Variants in ENOX2 observed in about 807,000 individuals in gnomAD.
ENOX2 encodes APK1 antigen.
In ENOX2, 36 loss-of-function variants were observed where a neutral mutation model predicts 45.0. That is an observed-to-expected ratio of 0.80 (90% CI 0.61 to 1.06). ENOX2 has a LOEUF of 1.06. Ranked by LOEUF, ENOX2 falls within the 50% of genes least tolerant of loss-of-function variation. ENOX2 has a pLI of 0.00. For missense variants in ENOX2, 423 were observed against 462.5 expected, an observed-to-expected ratio of 0.91 and a Z score of 0.78; for synonymous variants, 174 against 152.3, an observed-to-expected ratio of 1.14 and a Z score of -1.05.
chrX:130,898,110 C>T, intron 2 of ENOX2, among the ~76,000 whole-genome samples: 1 of 110,563 alleles, frequency 9.0e-6, no homozygotes, highest in East Asian at 2.8e-4. Flanking sequence ...TGGGTTGAAG[C>T]AATTCTCCTG....
intron 2 of ENOX2, among the ~76,000 whole-genome samples, chrX:130,843,791 TA>T (rs1174645900): frequency 8.9e-6 from 1 of 112,099 alleles, no homozygotes; most frequent in African/African-American, 3.2e-5. Flanking sequence ...AAAAGAGAGT[TA>T]GGGGGTACCT....
At chrX:130,861,960 G>GTAAAGTGGTTTATACCAA (rs2078416378) in intron 2 of ENOX2, among the ~76,000 whole-genome samples, 1 of 111,303 alleles carries the variant, frequency 9.0e-6, no homozygotes, top group Non-Finnish European at 1.9e-5. Flanking sequence ...TCATATACCA[G>GTAAAGTGGTTTATACCAA]TAAAGTGGTT....
intron 3 of ENOX2, among the ~76,000 whole-genome samples, chrX:130,711,045 G>A (rs1327592859): frequency 9.0e-6 from 1 of 111,726 alleles, no homozygotes; most frequent in Non-Finnish European, 1.9e-5. Flanking sequence ...GTAGGCATTC[G>A]AGAAGTATTT....
chrX:130,705,105 C>G (rs773755562), intron 3 of ENOX2, among the ~76,000 whole-genome samples: 1 of 112,133 alleles, frequency 8.9e-6, no homozygotes, highest in Non-Finnish European at 1.9e-5. Flanking sequence ...TGAAAGATAC[C>G]TTTAGAGATT....
chrX:130,778,881 G>C (rs1569500800), intron 3 of ENOX2, among the ~76,000 whole-genome samples: 1 of 112,345 alleles, frequency 8.9e-6, no homozygotes, highest in Non-Finnish European at 1.9e-5. Flanking sequence ...GCTCACTTTG[G>C]TATTGTAATT....
Position 130,679,731 on chromosome X carries a change from T to A in ENOX2, c.271A>T (p.Thr91Ser). 1 of 1,209,214 alleles carries A rather than the reference T, an allele frequency of 8.3e-7. No homozygotes were observed. Among genetic ancestry groups the A allele is most frequent in the East Asian group, 3.0e-5 (1 of 33,849 alleles). The part of the protein sequence containing the change: ...PPNPNLPPPA[T>S]RERPPGCKTV... ...TTGCATCCTGGTGGTCTTTCTCGGG[T>A]TGCAGGAGGTGGGAGATCTAAGTTG... Residue 91 changes from threonine (T) to serine (S), a missense_variant, in exon 6 of 15, where the codon ACC becomes TCC. This residue lies in a region of ENOX2 where 261 missense variants were observed against 306.8 expected (regional missense o/e 0.85). Transcript: ENST00000394363.
intron 3 of ENOX2, among the ~76,000 whole-genome samples, chrX:130,730,436 T>C (rs1036705747): frequency 8.9e-6 from 1 of 112,456 alleles, no homozygotes; most frequent in Non-Finnish European, 1.9e-5. Flanking sequence ...ATTAGAGCAC[T>C]AGTTTTTACC....
At chrX:130,683,982 A>G (rs2037381455) in intron 5 of ENOX2, among the ~76,000 whole-genome samples, 1 of 111,732 alleles carries the variant, frequency 8.9e-6, no homozygotes, top group African/African-American at 3.3e-5. Context: ...TCCTTATCAG[A>G]GATCTTATGG....
At chrX:130,718,584 T>G (rs1399292415) in intron 3 of ENOX2, among the ~76,000 whole-genome samples, 3 of 112,347 alleles carry the variant, frequency 2.7e-5, no homozygotes, top group Non-Finnish European at 5.6e-5. Flanking sequence ...GTAAACGATG[T>G]TGCTGTTCTG....
intron 14 of ENOX2, among the ~76,000 whole-genome samples, chrX:130,626,161 G>A (rs2035541762): frequency 1.8e-5 from 2 of 111,308 alleles, no homozygotes; most frequent in South Asian, 7.7e-4. Flanking sequence ...CGATTCTGTT[G>A]GTATCACCTC....
chrX:130,673,018 C>T (rs770281780), intron 6 of ENOX2, among the ~76,000 whole-genome samples: 64 of 112,049 alleles, frequency 5.7e-4, no homozygotes, highest in African/African-American at 2.1e-3. Context: ...AGTAAGAAAA[C>T]ATCCAGTACA....
chrX:130,739,273 G>A (rs1169492992), intron 3 of ENOX2, among the ~76,000 whole-genome samples: 1 of 112,558 alleles, frequency 8.9e-6, no homozygotes, highest in Non-Finnish European at 1.9e-5. Context: ...ACACGATCAC[G>A]AGGGTAAACA....
At chrX:130,749,962 TTCTC>T (rs1215245758) in intron 3 of ENOX2, among the ~76,000 whole-genome samples, 1 of 110,382 alleles carries the variant, frequency 9.1e-6, no homozygotes, top group Non-Finnish European at 1.9e-5. Context: ...CACTGTATGG[TTCTC>T]TCTCTCAGGT....
chrX:130,891,504 T>TA (rs2078984758), intron 2 of ENOX2, among the ~76,000 whole-genome samples: 1 of 93,997 alleles, frequency 1.1e-5, no homozygotes, highest in Non-Finnish European at 2.1e-5. Context: ...TTTTTTTTTT[T>TA]TTTTTTTTTT....
At chrX:130,898,009 T>C (rs1351709058) in intron 2 of ENOX2, among the ~76,000 whole-genome samples, 1 of 110,482 alleles carries the variant, frequency 9.1e-6, no homozygotes, top group Non-Finnish European at 1.9e-5. Context: ...CATTTTAAAA[T>C]AACTTTTTTT....
chrX:130,857,872 G>C (rs2148529703), intron 2 of ENOX2, among the ~76,000 whole-genome samples: 1 of 111,488 alleles, frequency 9.0e-6, no homozygotes, highest in South Asian at 3.7e-4. Flanking sequence ...AAACTCTTTT[G>C]TCTCAAATAT....
intron 7 of ENOX2, 152 bp downstream of exon 7, chrX:130,669,813 C>T (rs1341406685): frequency 8.5e-6 from 4 of 469,271 alleles, no homozygotes; most frequent in East Asian, 3.7e-5. Context: ...TTACTAGGTA[C>T]ACCTCTCTAT....
intron 2 of ENOX2, among the ~76,000 whole-genome samples, chrX:130,820,557 A>C (rs754698756): frequency 1.8e-5 from 2 of 112,703 alleles, no homozygotes; most frequent in Non-Finnish European, 3.8e-5. Context: ...ATGTGGAATC[A>C]ACCTAAGTTT....
chrX:130,870,702 C>T (rs1293659144), intron 2 of ENOX2, among the ~76,000 whole-genome samples: 1 of 111,640 alleles, frequency 9.0e-6, no homozygotes, highest in Non-Finnish European at 1.9e-5. Flanking sequence ...TTGCCAATTG[C>T]TACTTGTTTT....
Sources: allele counts gnomAD v4.1 joint callset (sites outside exome capture counted in the v4.1 genomes callset), GRCh38; gene constraint gnomAD v4.1.1; regional missense constraint gnomAD v4.1.1; transcripts MANE v1.5; gene names NCBI Gene and HGNC (gene_info 2026-07-23, HGNC 2026-07-21).